The following CAMKMT variants were observed in gnomAD, a reference collection of about 807,000 sequenced individuals.
CAMKMT encodes the protein calmodulin-lysine N-methyltransferase.
Under a neutral mutation model 48.0 loss-of-function variants are expected in CAMKMT, and 53 were observed. That is an observed-to-expected ratio of 1.10 (90% CI 0.89 to 1.39). The LOEUF is 1.39. Ranked by LOEUF, CAMKMT falls within the 40% of genes most tolerant of loss-of-function variation. The pLI is 0.00. For missense variants in CAMKMT, 428 were observed against 402.7 expected, an observed-to-expected ratio of 1.06 and a Z score of -0.54; for synonymous variants, 165 against 152.3, an observed-to-expected ratio of 1.08 and a Z score of -0.61.
intron 3 of CAMKMT, among the ~76,000 whole-genome samples, chr2:44,467,211 C>G (rs1472204171): frequency 1.3e-5 from 2 of 151,836 alleles, no homozygotes; most frequent in Non-Finnish European, 1.5e-5. Context: ...GAGCTGTGAT[C>G]ATGACACTGT....
intron 1 of CAMKMT, among the ~76,000 whole-genome samples, chr2:44,362,653 C>A (rs1027076602): frequency 2.6e-5 from 4 of 152,152 alleles, no homozygotes; most frequent in African/African-American, 9.7e-5. Context: ...TACAGCGGAG[C>A]GTGCAAGGAG....
intron 3 of CAMKMT, among the ~76,000 whole-genome samples, chr2:44,636,624 G>C (rs531661151): frequency 6.6e-6 from 1 of 152,098 alleles, no homozygotes; most frequent in Non-Finnish European, 1.5e-5. Flanking sequence ...AACTTCCAAC[G>C]GTTCTTTTAT....
intron 3 of CAMKMT, among the ~76,000 whole-genome samples, chr2:44,599,992 A>G (rs1004404569): frequency 3.9e-5 from 6 of 152,126 alleles, no homozygotes; most frequent in Middle Eastern, 6.3e-3. Flanking sequence ...GCAGTTTATG[A>G]ATAAAAGTTG....
intron 1 of CAMKMT, 104 bp from the exon 2 acceptor site, chr2:44,372,612 T>A (rs1679290787): frequency 2.3e-6 from 2 of 883,084 alleles, no homozygotes; most frequent in South Asian, 1.8e-5. Flanking sequence ...TCTGTCATTA[T>A]TAGAAGGGAA....
chr2:44,388,300 G>C (rs1680975317), intron 2 of CAMKMT, among the ~76,000 whole-genome samples: 1 of 152,136 alleles, frequency 6.6e-6, no homozygotes, highest in African/African-American at 2.4e-5. Context: ...CTATTGTTGA[G>C]ACTTTCCAGA....
At chr2:44,766,304 T>G in intron 9 of CAMKMT, 126 bp from the exon 10 acceptor site, 1 of 971,548 alleles carries the variant, frequency 1.0e-6, no homozygotes, top group East Asian at 2.5e-5. Context: ...CCATCCTGCA[T>G]AGACATCTCA....
chr2:44,470,534 C>G (rs917633270), intron 3 of CAMKMT, among the ~76,000 whole-genome samples: 23 of 152,230 alleles, frequency 1.5e-4, no homozygotes, highest in African/African-American at 5.3e-4. Flanking sequence ...TTTTGTCATT[C>G]ATGGAGATAC....
chr2:44,753,823 C>T (rs934642820), intron 8 of CAMKMT, among the ~76,000 whole-genome samples: 2 of 152,194 alleles, frequency 1.3e-5, no homozygotes, highest in African/African-American at 2.4e-5. Context: ...GGCCCAGTCA[C>T]GTGTGAATCC....
chr2:44,393,429 T>C (rs1341736405), intron 3 of CAMKMT: 2 of 152,260 alleles, frequency 1.3e-5, no homozygotes, highest in Admixed American at 6.5e-5. Context: ...TATTGATTTA[T>C]TGCTGTGTGA....
chr2:44,431,368 G>C (rs1684639342), intron 3 of CAMKMT, among the ~76,000 whole-genome samples: 1 of 152,104 alleles, frequency 6.6e-6, no homozygotes, highest in Non-Finnish European at 1.5e-5. Context: ...GTACCAAATT[G>C]TATAAATGAC....
chr2:44,572,663 C>A (rs1488532947), intron 3 of CAMKMT, among the ~76,000 whole-genome samples: 3 of 147,408 alleles, frequency 2.0e-5, no homozygotes, highest in Non-Finnish European at 3.0e-5. Flanking sequence ...GTGGAATTGG[C>A]TGTTATGAGT....
intron 3 of CAMKMT, among the ~76,000 whole-genome samples, chr2:44,556,118 AT>A (rs919052952): frequency 1.3e-5 from 2 of 151,826 alleles, no homozygotes; most frequent in African/African-American, 2.4e-5. Flanking sequence ...AATACCTACA[AT>A]TTTTTTTATT....
At chr2:44,528,386 G>C (rs2104819886) in intron 3 of CAMKMT, among the ~76,000 whole-genome samples, 1 of 152,086 alleles carries the variant, frequency 6.6e-6, no homozygotes, top group African/African-American at 2.4e-5. Flanking sequence ...CCATTCCCCA[G>C]TTACCAACAC....
chr2:44,628,505 G>A (rs899085377), intron 3 of CAMKMT, among the ~76,000 whole-genome samples: 2 of 151,126 alleles, frequency 1.3e-5, no homozygotes, highest in Non-Finnish European at 2.9e-5. Flanking sequence ...TCTAGCTTCT[G>A]AAAGTGAAAG....
intron 3 of CAMKMT, among the ~76,000 whole-genome samples, chr2:44,549,263 C>A (rs1238353709): frequency 6.6e-6 from 1 of 152,188 alleles, no homozygotes; most frequent in Non-Finnish European, 1.5e-5. Flanking sequence ...CTGTCCACTT[C>A]TTTGGGCTCT....
intron 3 of CAMKMT, among the ~76,000 whole-genome samples, chr2:44,607,413 A>G (rs1278595378): frequency 6.6e-6 from 1 of 152,232 alleles, no homozygotes; most frequent in African/African-American, 2.4e-5. Context: ...TATCAGTACC[A>G]GTGTTTATTA....
intron 9 of CAMKMT, among the ~76,000 whole-genome samples, chr2:44,762,609 A>G (rs1199773190): frequency 6.6e-6 from 1 of 152,246 alleles, no homozygotes; most frequent in East Asian, 1.9e-4. Context: ...TACATATGTA[A>G]CAAACCTGCA....
In CAMKMT at chr2:44,452,836, T is replaced by C. The variant is rs115193550; in HGVS notation, c.376+62531T>C. Among the ~76,000 whole-genome samples, 1,462 of 152,130 alleles carry C rather than the reference T, an allele frequency of 9.6e-3. 16 individuals carry two copies. The highest frequency in any genetic ancestry group is 0.015 in the Non-Finnish European group (1,025 of 67,882). On this transcript the variant is annotated intron_variant, in intron 3 of 10. Transcript: ENST00000378494. Reference sequence around the variant, plus strand: ...TACAAGTCATCTGTGATCAGTTTAGTTACCATCCCTTTGATATCCTGCAGC... The same window carrying C: ...TACAAGTCATCTGTGATCAGTTTAGCTACCATCCCTTTGATATCCTGCAGC...
chr2:44,390,323 T>G lies in CAMKMT; in HGVS notation c.376+18T>G. 1.3e-6 allele frequency: 2 copies of G among 1,524,852 alleles called. No individual in the cohort carries two copies. The highest frequency in any genetic ancestry group is 1.8e-6 in the Non-Finnish European group (2 of 1,113,372). 94.5% of individuals were successfully genotyped at this position (1,524,852 alleles called of 1,614,324 possible). On this transcript the variant is annotated intron_variant, in intron 3 of 10. Transcript: ENST00000378494. ...AAATGTTTGTAAGTTATACATTCAC[T>G]CTATAGAAATATATTTAGTGTTTTA...
Sources: gnomAD v4.1 joint callset for allele counts (sites outside exome capture counted in the v4.1 genomes callset) on GRCh38, gnomAD v4.1.1 for gene constraint, MANE v1.5 for transcripts, NCBI Gene and HGNC (gene_info 2026-07-23, HGNC 2026-07-21) for gene names.